The following CCDC39 variants were observed in gnomAD, a reference collection of about 807,000 sequenced individuals.
CCDC39 encodes coiled-coil domain-containing protein 39.
In CCDC39, 113 loss-of-function variants were observed where a neutral mutation model predicts 121.0. That is an observed-to-expected ratio of 0.93 (90% confidence interval 0.80 to 1.09). CCDC39 has a LOEUF of 1.09. Among genes scored for constraint, CCDC39 ranks in the 50% least tolerant of loss-of-function variants. The pLI, the probability that CCDC39 is intolerant of heterozygous loss-of-function variation, is 0.00. For synonymous variants in CCDC39, 349 were observed against 352.2 expected (o/e 0.99, Z 0.10); for missense variants, 1,063 against 1,074.7 (o/e 0.99, Z 0.15).
rs1718019046 is a variant in CCDC39, at chr3:180,644,121, T to C, written c.1664A>G (p.Gln555Arg). 1 of 1,539,020 alleles carries C rather than the reference T, an allele frequency of 6.5e-7. No homozygotes were observed. Among genetic ancestry groups the C allele is most frequent in the Non-Finnish European group, 8.8e-7 (1 of 1,142,750 alleles). Residue 555 changes from glutamine to arginine, a missense_variant and splice_region_variant, in exon 12 of 20, where the codon CAG (glutamine) becomes CGG (arginine). Coordinates refer to ENST00000476379, the MANE Select transcript of CCDC39 (RefSeq NM_181426.2). ...CATATGCATACAATTTTACTGCACC[T>C]GCTTAAAACCTTTGGCTTTATCAAG... ...KELDKAKGFKQDLMIEDNLLK... is the reference protein window; with the variant it reads ...KELDKAKGFKRDLMIEDNLLK...
intron 1 of CCDC39, among the ~76,000 whole-genome samples, chr3:180,664,990 G>T (rs1432608780): frequency 2.6e-5 from 4 of 151,846 alleles, no homozygotes; most frequent in Non-Finnish European, 2.9e-5. Context: ...TTACAGGCAT[G>T]AGCCACCACA....
At chr3:180,615,542 TTAAA>T in intron 19 of CCDC39, among the ~76,000 whole-genome samples, 1 of 152,288 alleles carries the variant, frequency 6.6e-6, no homozygotes, top group Non-Finnish European at 1.5e-5. Flanking sequence ...GAAAAAAGTT[TTAAA>T]TATATATTTT....
At chr3:180,650,226 G>A (rs150072089) in intron 9 of CCDC39, among the ~76,000 whole-genome samples, 55 of 152,260 alleles carry the variant, frequency 3.6e-4, no homozygotes, top group African/African-American at 1.3e-3. Flanking sequence ...TGGCTTTAAT[G>A]CCATCAACAT....
intron 14 of CCDC39, among the ~76,000 whole-genome samples, chr3:180,628,584 G>A (rs1005102299): frequency 2.0e-5 from 3 of 152,114 alleles, no homozygotes; most frequent in African/African-American, 7.2e-5. Flanking sequence ...TAATAAAAAG[G>A]GTCAACAAGC....
At chr3:180,648,841 T>C (rs1293411040) in intron 9 of CCDC39, among the ~76,000 whole-genome samples, 1 of 152,164 alleles carries the variant, frequency 6.6e-6, no homozygotes, top group Non-Finnish European at 1.5e-5. Context: ...GAGAATCTGA[T>C]TTCCACGGTA....
rs1453136954 is a variant in CCDC39 at position 180,630,822 on chromosome 3, TATC to T, written c.1998+644_1998+646del. Among the ~76,000 whole-genome samples the T allele has an allele frequency of 3.3e-5, 5 of 152,176 alleles. No homozygotes were observed. The South Asian group carries it at 6.2e-4, about 19-fold the overall frequency. On this transcript the variant is annotated intron_variant, in intron 14 of 19. Coordinates refer to ENST00000476379, the MANE Select transcript of CCDC39 (RefSeq NM_181426.2). ...ATTCACCTGGTCTGTCTCCCTATAATATCATATTATAGGGATATATGGGCAGGG... is the reference window on the plus strand; with the variant it reads ...ATTCACCTGGTCTGTCTCCCTATAATATATTATAGGGATATATGGGCAGGG...
chr3:180,618,798 A>C (rs1717343993), intron 16 of CCDC39, among the ~76,000 whole-genome samples: 1 of 152,114 alleles, frequency 6.6e-6, no homozygotes. Flanking sequence ...TTCTTAATCC[A>C]GTCTATCATT....
chr3:180,622,761 C>A (rs1055070912), intron 14 of CCDC39, among the ~76,000 whole-genome samples: 16 of 152,054 alleles, frequency 1.1e-4, no homozygotes, highest in African/African-American at 3.9e-4. Context: ...TGGCATAAAA[C>A]CCCCTTCATC....
intron 1 of CCDC39, among the ~76,000 whole-genome samples, chr3:180,672,853 G>A (rs889551773): frequency 1.3e-5 from 2 of 152,204 alleles, no homozygotes; most frequent in Non-Finnish European, 2.9e-5. Flanking sequence ...TATCATTATT[G>A]ATGCCATTAA....
At chr3:180,620,193 G>A (rs899134514) in intron 14 of CCDC39, among the ~76,000 whole-genome samples, 2 of 151,778 alleles carry the variant, frequency 1.3e-5, no homozygotes, top group African/African-American at 2.4e-5. Context: ...ATTCAAAACC[G>A]TGATGGAAAT....
intron 9 of CCDC39, among the ~76,000 whole-genome samples, chr3:180,649,685 C>T (rs544934471): frequency 6.6e-6 from 1 of 151,828 alleles, no homozygotes; most frequent in South Asian, 2.1e-4. Context: ...ATGAAAAAAC[C>T]CCCAAGACTA....
At chr3:180,626,918 A>G (rs1451365046) in intron 14 of CCDC39, among the ~76,000 whole-genome samples, 3 of 152,212 alleles carry the variant, frequency 2.0e-5, no homozygotes, top group Non-Finnish European at 4.4e-5. Context: ...GCAAAATCCT[A>G]AATCTACTAC....
At chr3:180,642,352 AGTT>A (rs1021659220) in intron 12 of CCDC39, among the ~76,000 whole-genome samples, 151 bp from the exon 13 acceptor site, 1 of 151,234 alleles carries the variant, frequency 6.6e-6, no homozygotes, top group Non-Finnish European at 1.5e-5. Flanking sequence ...AATTGATCAT[AGTT>A]TTTTTTTTTC....
chr3:180,677,215 T>TATATATA (rs1203940702), intron 1 of CCDC39, among the ~76,000 whole-genome samples: 1 of 110,424 alleles, frequency 9.1e-6, no homozygotes, highest in Non-Finnish European at 1.9e-5. Context: ...TATATATATA[T>TATATATA]AAAATCACAG....
At chr3:180,632,888 A>T (rs1258450292) in intron 13 of CCDC39, among the ~76,000 whole-genome samples, 1 of 152,214 alleles carries the variant, frequency 6.6e-6, no homozygotes, top group African/African-American at 2.4e-5. Context: ...CCCTCAAAAC[A>T]TACAGAAATG....
intron 11 of CCDC39, 41 bp from the exon 12 acceptor site, chr3:180,644,298 T>C: frequency 7.9e-7 from 1 of 1,263,346 alleles, no homozygotes; most frequent in Middle Eastern, 2.5e-4. Context: ...ATGTTTTAAA[T>C]ATTGACAAAA....
intron 14 of CCDC39, among the ~76,000 whole-genome samples, chr3:180,621,169 A>G (rs1279696456): frequency 3.3e-5 from 5 of 152,094 alleles, no homozygotes; most frequent in South Asian, 2.1e-4. Flanking sequence ...TCATCCATCA[A>G]TGGACACTTC....
At chr3:180,670,857 T>C (rs1407561262) in intron 1 of CCDC39, among the ~76,000 whole-genome samples, 1 of 152,114 alleles carries the variant, frequency 6.6e-6, no homozygotes, top group African/African-American at 2.4e-5. Context: ...CAGCTTTCCA[T>C]AAGACATGCT....
chr3:180,623,088 T>G (rs915678423), intron 14 of CCDC39, among the ~76,000 whole-genome samples: 5 of 107,906 alleles, frequency 4.6e-5, no homozygotes, highest in Non-Finnish European at 1.1e-4. Flanking sequence ...TTTATTATTA[T>G]TATTATTATT....
Sources: allele counts gnomAD v4.1 joint callset (sites outside exome capture counted in the v4.1 genomes callset), GRCh38; gene constraint gnomAD v4.1.1; transcripts MANE v1.5; gene names NCBI Gene and HGNC (gene_info 2026-07-23, HGNC 2026-07-21).